Variants in MINDY4 observed in about 807,000 individuals in gnomAD.
MINDY4 encodes the protein MINDY lysine 48 deubiquitinase 4.
A neutral mutation model predicts 87.0 loss-of-function variants in MINDY4; 68 were observed. The observed-to-expected ratio is 0.78, with a 90% CI of 0.64 to 0.96. MINDY4 has a LOEUF of 0.96. MINDY4 is among the 40% of genes least tolerant of loss of function. MINDY4 has a pLI of 0.00. For synonymous variants in MINDY4, 379 were observed against 363.2 expected (o/e 1.04, Z -0.50); for missense variants, 919 against 928.2 (o/e 0.99, Z 0.13).
chr7:30,855,769 G>T (rs887126411), intron 12 of MINDY4, among the ~76,000 whole-genome samples: 1 of 152,264 alleles, frequency 6.6e-6, no homozygotes, highest in Non-Finnish European at 1.5e-5. Flanking sequence ...CCTCCTTTCA[G>T]TGATGCCTCT....
intron 12 of MINDY4, among the ~76,000 whole-genome samples, chr7:30,856,622 G>T (rs1158329584): frequency 6.6e-6 from 1 of 152,086 alleles, no homozygotes; most frequent in African/African-American, 2.4e-5. Flanking sequence ...AGAAAGTACT[G>T]CAGCTGCCCC....
chr7:30,854,992 G>A (rs1189918495), intron 12 of MINDY4, among the ~76,000 whole-genome samples: 1 of 152,256 alleles, frequency 6.6e-6, no homozygotes, highest in Non-Finnish European at 1.5e-5. Flanking sequence ...GCTGGCCGGG[G>A]CATCGGGAGC....
At chr7:30,775,620 A>G (rs76359161) in intron 1 of MINDY4, among the ~76,000 whole-genome samples, 12,346 of 152,212 alleles carry the variant, frequency 0.081, 799 homozygotes, top group South Asian at 0.17. Flanking sequence ...GGAGATTGGG[A>G]GGTAGGGCTG....
chr7:30,826,163 T>G (rs1788495410), intron 5 of MINDY4, among the ~76,000 whole-genome samples: 1 of 152,234 alleles, frequency 6.6e-6, no homozygotes, highest in African/African-American at 2.4e-5. Flanking sequence ...TAAAGATCCT[T>G]CACTTATTCT....
chr7:30,866,694 G>T (rs1055900147), intron 13 of MINDY4, among the ~76,000 whole-genome samples: 32 of 152,330 alleles, frequency 2.1e-4, no homozygotes, highest in African/African-American at 7.2e-4. Context: ...TTGGCAGGCA[G>T]CAAGAACAAA....
At chr7:30,820,028 A>G (rs1406141158) in intron 5 of MINDY4, among the ~76,000 whole-genome samples, 1 of 147,574 alleles carries the variant, frequency 6.8e-6, no homozygotes, top group African/African-American at 2.5e-5. Flanking sequence ...CAGCCTCCCA[A>G]GTAGCTGGGA....
intron 4 of MINDY4, among the ~76,000 whole-genome samples, chr7:30,788,476 C>T (rs1428247418): frequency 6.6e-6 from 1 of 152,166 alleles, no homozygotes; most frequent in Non-Finnish European, 1.5e-5. Flanking sequence ...AAGAAAATCA[C>T]ACCAAAAAAT....
intron 5 of MINDY4, among the ~76,000 whole-genome samples, chr7:30,811,806 C>T (rs28380235): frequency 0.059 from 8,958 of 152,250 alleles, 305 homozygotes; most frequent in Middle Eastern, 0.1. Flanking sequence ...CAATCGATCA[C>T]GACCCTCTCA....
At chr7:30,860,723 T>C (rs1004406994) in intron 13 of MINDY4, among the ~76,000 whole-genome samples, 11 of 152,126 alleles carry the variant, frequency 7.2e-5, no homozygotes, top group Non-Finnish European at 1.3e-4. Flanking sequence ...TGCATGCTCC[T>C]GCATGTAGCC....
intron 9 of MINDY4, among the ~76,000 whole-genome samples, chr7:30,845,274 C>A (rs1029532188): frequency 6.6e-6 from 1 of 152,146 alleles, no homozygotes; most frequent in African/African-American, 2.4e-5. Flanking sequence ...CAGAAGAGTA[C>A]AGAGAGCAAC....
intron 5 of MINDY4, among the ~76,000 whole-genome samples, chr7:30,822,866 A>T (rs1324885052): frequency 6.6e-6 from 1 of 150,924 alleles, no homozygotes; most frequent in African/African-American, 2.4e-5. Flanking sequence ...CTGTTCTCCG[A>T]CTTCTGGGCT....
chr7:30,811,037 AAACC>A (rs1307077704), intron 5 of MINDY4, among the ~76,000 whole-genome samples: 1 of 152,140 alleles, frequency 6.6e-6, no homozygotes, highest in Non-Finnish European at 1.5e-5. Flanking sequence ...AATTTCCAGT[AAACC>A]AGCACCAGCC....
intron 15 of MINDY4, among the ~76,000 whole-genome samples, chr7:30,881,520 G>A (rs1311282104): frequency 1.3e-5 from 2 of 152,064 alleles, no homozygotes; most frequent in Middle Eastern, 3.4e-3. Context: ...TGTCTTTACC[G>A]TGCAGTTCTA....
At chr7:30,861,873 G>A (rs989322929) in intron 13 of MINDY4, among the ~76,000 whole-genome samples, 1 of 152,216 alleles carries the variant, frequency 6.6e-6, no homozygotes, top group African/African-American at 2.4e-5. Flanking sequence ...GGGCTTCTGT[G>A]GTGACACTCA....
intron 17 of MINDY4, among the ~76,000 whole-genome samples, chr7:30,889,724 A>G (rs1379491503): frequency 6.6e-6 from 1 of 152,206 alleles, no homozygotes; most frequent in East Asian, 1.9e-4. Context: ...TAATTCTTCC[A>G]CATCCAATGG....
intron 5 of MINDY4, among the ~76,000 whole-genome samples, chr7:30,820,376 A>G (rs980034653): frequency 6.6e-6 from 1 of 150,598 alleles, no homozygotes; most frequent in Non-Finnish European, 1.5e-5. Flanking sequence ...TTGCTTTCTT[A>G]TTTTTTAAAT....
chr7:30,846,640 G>A (rs1789227533), intron 9 of MINDY4, among the ~76,000 whole-genome samples: 1 of 152,014 alleles, frequency 6.6e-6, no homozygotes, highest in Admixed American at 6.6e-5. Context: ...ATCATCTGTG[G>A]GTGCAGGTTC....
At chr7:30,780,531 C>A (rs1168155374) in intron 2 of MINDY4, 1 of 152,090 alleles carries the variant, frequency 6.6e-6, no homozygotes, top group Non-Finnish European at 1.5e-5. Flanking sequence ...TACAATGAAT[C>A]GGAGTGTATA....
chr7:30,871,718 T>C (rs908522011), intron 13 of MINDY4, among the ~76,000 whole-genome samples: 1 of 152,198 alleles, frequency 6.6e-6, no homozygotes, highest in African/African-American at 2.4e-5. Flanking sequence ...GAGGCTTGGT[T>C]TTCTCAAAGG....
Sources: gnomAD v4.1 joint callset for allele counts (sites outside exome capture counted in the v4.1 genomes callset) on GRCh38, gnomAD v4.1.1 for gene constraint, MANE v1.5 for transcripts, NCBI Gene and HGNC (gene_info 2026-07-23, HGNC 2026-07-21) for gene names.